The following DPYD variants were observed in gnomAD, a reference collection of about 807,000 sequenced individuals.
The protein encoded by DPYD is dihydropyrimidine dehydrogenase.
In DPYD, 109 loss-of-function variants were observed where a neutral mutation model predicts 116.2. The ratio of observed to expected loss-of-function variants is 0.94; its 90% CI spans 0.80 to 1.10. The LOEUF (loss-of-function observed/expected upper bound fraction) is 1.10, where lower values mean the gene tolerates loss of function less well. Ranked by LOEUF, DPYD falls within the 50% of genes least tolerant of loss-of-function variation. The probability of loss-of-function intolerance (pLI) is 0.00; values close to 1 mark genes in which losing one functional copy is unlikely to be tolerated. For synonymous variants in DPYD, 440 were observed against 432.0 expected, an observed-to-expected ratio of 1.02 and a Z score of -0.23; for missense variants, 1,302 against 1,254.5, an observed-to-expected ratio of 1.04 and a Z score of -0.57.
intron 7 of DPYD, among the ~76,000 whole-genome samples, chr1:97,688,055 T>C (rs1405243572): frequency 6.6e-6 from 1 of 152,080 alleles, no homozygotes; most frequent in Non-Finnish European, 1.5e-5. Flanking sequence ...TGTTGATAGG[T>C]GCAGCAAACC....
chr1:97,322,241 A>AAT lies in DPYD; in HGVS notation c.2059-15945_2059-15944insAT, dbSNP rs1407315130. Among the ~76,000 whole-genome samples, 5 of 150,234 alleles carry AAT rather than the reference A, an allele frequency of 3.3e-5. No homozygotes were observed. The East Asian group carries it at 1.0e-3, about 30-fold the overall frequency. On this transcript the variant is annotated intron_variant, in intron 16 of 22. Coordinates refer to ENST00000370192, the MANE Select transcript of DPYD (RefSeq NM_000110.4). ...CTAAAACTTAAAGTATAATAAAAAA[A>AAT]AATAATAAATAAATAAATAAAAGGA...
chr1:97,563,541 G>C (rs1652315482), intron 11 of DPYD, among the ~76,000 whole-genome samples: 1 of 152,076 alleles, frequency 6.6e-6, no homozygotes, highest in South Asian at 2.1e-4. Context: ...TCTTCAATTT[G>C]ATGGAAAACT....
Position 97,771,249 on chromosome 1 carries a change from G to A in DPYD, c.234-30770C>T, listed in dbSNP as rs1306230354. ...CGCACTCCAGTCTAGGTGACAGAAC[G>A]AGACTTTGTCTCAATTACAAAGAAA... On this transcript the variant is annotated intron_variant, in intron 3 of 22. Coordinates refer to ENST00000370192, the MANE Select transcript of DPYD (RefSeq NM_000110.4). Among the ~76,000 whole-genome samples, 4 of 152,158 alleles carry A rather than the reference G, an allele frequency of 2.6e-5. No individual in the cohort carries two copies. The East Asian group carries it at 5.8e-4, about 22-fold the overall frequency.
intron 3 of DPYD, among the ~76,000 whole-genome samples, chr1:97,808,578 G>C (rs1030665326): frequency 6.6e-6 from 1 of 151,964 alleles, no homozygotes. Flanking sequence ...GACAAATGTA[G>C]TTTCATTTAT....
At chr1:97,687,130 G>T (rs1394941449) in intron 7 of DPYD, among the ~76,000 whole-genome samples, 1 of 152,058 alleles carries the variant, frequency 6.6e-6, no homozygotes, top group Admixed American at 6.5e-5. Flanking sequence ...AATTAGCCAC[G>T]TGTGGTGGCA....
chr1:97,757,998 G>A (rs192149013), intron 3 of DPYD, among the ~76,000 whole-genome samples: 48 of 152,160 alleles, frequency 3.2e-4, no homozygotes, highest in South Asian at 2.5e-3. Flanking sequence ...GAAATGGAGC[G>A]CCTGCCCCTT....
At chr1:97,824,824 CCTT>C (rs1252169490) in intron 3 of DPYD, among the ~76,000 whole-genome samples, 1 of 152,176 alleles carries the variant, frequency 6.6e-6, no homozygotes, top group Admixed American at 6.5e-5. Context: ...GCTGGACTCT[CCTT>C]CTTTCTTATC....
At chr1:97,201,129 T>C (rs927158756) in intron 19 of DPYD, among the ~76,000 whole-genome samples, 1 of 152,204 alleles carries the variant, frequency 6.6e-6, no homozygotes, top group Non-Finnish European at 1.5e-5. Context: ...CAAGCATATA[T>C]GTATAATTTT....
intron 8 of DPYD, among the ~76,000 whole-genome samples, chr1:97,646,556 CT>C (rs1283917364): frequency 3.3e-5 from 5 of 151,850 alleles, no homozygotes; most frequent in Non-Finnish European, 7.4e-5. Context: ...ATTAAGTTTT[CT>C]TCTTTTAAAT....
At chr1:97,259,677 GA>G (rs1337213807) in intron 18 of DPYD, among the ~76,000 whole-genome samples, 3 of 152,242 alleles carry the variant, frequency 2.0e-5, no homozygotes, top group Non-Finnish European at 2.9e-5. Flanking sequence ...ACTGGTGAGT[GA>G]AAACTGTACA....
chr1:97,432,382 T>G (rs910853743), intron 14 of DPYD, among the ~76,000 whole-genome samples: 1 of 152,168 alleles, frequency 6.6e-6, no homozygotes, highest in Non-Finnish European at 1.5e-5. Context: ...GCCTGGTCAA[T>G]GAATTCTTCA....
intron 3 of DPYD, among the ~76,000 whole-genome samples, chr1:97,776,195 T>C (rs1666399896): frequency 6.6e-6 from 1 of 152,208 alleles, no homozygotes; most frequent in African/African-American, 2.4e-5. Flanking sequence ...GATTGTATTT[T>C]TCTTTAGCTA....
At chr1:97,609,046 T>C (rs1173534942) in intron 8 of DPYD, among the ~76,000 whole-genome samples, 1 of 152,004 alleles carries the variant, frequency 6.6e-6, no homozygotes, top group Non-Finnish European at 1.5e-5. Flanking sequence ...TTAAAGTCAA[T>C]GTAAAATAAT....
chr1:97,310,706 T>G (rs906034920), intron 16 of DPYD, among the ~76,000 whole-genome samples: 1 of 151,760 alleles, frequency 6.6e-6, no homozygotes, highest in Admixed American at 6.6e-5. Context: ...CCTAAAAAGG[T>G]AGACATGGAC....
At position 97,390,586 on chromosome 1, in the gene DPYD, C is replaced by T. The variant is rs149713477; in HGVS notation, c.1906-8125G>A. ...TCTAATTTTATTTGTTCATTGCTTA[C>T]TTAATGGTCATAAATGAGACTAGTA... On this transcript the variant is annotated intron_variant, in intron 14 of 22. Coordinates refer to ENST00000370192, the MANE Select transcript of DPYD (RefSeq NM_000110.4). Among the ~76,000 whole-genome samples, 574 of 151,898 alleles carry T rather than the reference C, an allele frequency of 3.8e-3. 6 individuals are homozygous for T. The highest frequency in any genetic ancestry group is 0.013 in the African/African-American group (541 of 41,474).
intron 12 of DPYD, among the ~76,000 whole-genome samples, chr1:97,533,147 C>A (rs981219034): frequency 4.6e-5 from 7 of 151,900 alleles, no homozygotes; most frequent in African/African-American, 1.5e-4. Context: ...AATCACCCCC[C>A]ACCATGCCGC....
Position 97,241,469 on chromosome 1 carries a change from C to T in DPYD, c.2300-6475G>A, listed in dbSNP as rs1014525057. On this transcript the variant is annotated intron_variant, in intron 18 of 22. Coordinates refer to ENST00000370192, the MANE Select transcript of DPYD (RefSeq NM_000110.4). The stretch of plus-strand genomic sequence containing the variant: ...TGAATAAATAACTTATCCAGTGTCA[C>T]GTAGTTTAAAAAGGATGTAATACAT... 2.0e-5 allele frequency among the ~76,000 whole-genome samples: 3 copies of T among 152,010 alleles called. 1 individual carries two copies. The highest frequency in any genetic ancestry group is 6.6e-5 in the Admixed American group (1 of 15,238).
At chr1:97,195,437 C>T (rs1410454790) in intron 19 of DPYD, among the ~76,000 whole-genome samples, 1 of 147,698 alleles carries the variant, frequency 6.8e-6, no homozygotes, top group Non-Finnish European at 1.5e-5. Flanking sequence ...TAGCATGCTA[C>T]CTGATACCTC....
At chr1:97,713,759 C>T (rs1662431314) in intron 5 of DPYD, among the ~76,000 whole-genome samples, 1 of 152,038 alleles carries the variant, frequency 6.6e-6, no homozygotes, top group African/African-American at 2.4e-5. Flanking sequence ...TATCTTACTT[C>T]TCTCAGAAAT....
Sources: allele counts gnomAD v4.1 joint callset (sites outside exome capture counted in the v4.1 genomes callset), GRCh38; gene constraint gnomAD v4.1.1; transcripts MANE v1.5; gene names NCBI Gene and HGNC (gene_info 2026-07-23, HGNC 2026-07-21).